P2RY8: variants seen among roughly 807,000 people sequenced by gnomAD.
The protein encoded by P2RY8 is P2Y receptor family member 8.
P2RY8 carries 6 observed loss-of-function variants against 10.0 expected under a neutral mutation model. The ratio of observed to expected loss-of-function variants is 0.60; its 90% CI spans 0.33 to 1.19. The LOEUF is 1.19. P2RY8 is among the 50% of genes most tolerant of loss of function. The pLI is 0.04. For synonymous variants in P2RY8, 276 were observed against 252.5 expected (o/e 1.09, Z -0.88); for missense variants, 456 against 542.0 (o/e 0.84, Z 1.58).
At chrX:1,502,306 C>G (rs1346623900) in intron 1 of P2RY8, among the ~76,000 whole-genome samples, 1 of 152,168 alleles carries the variant, frequency 6.6e-6, no homozygotes, top group East Asian at 1.9e-4. Context: ...ATTTGCTTAT[C>G]TCTGTTTTGG....
At chrX:1,490,675 A>G (rs1196021960) in intron 1 of P2RY8, among the ~76,000 whole-genome samples, 3 of 143,056 alleles carry the variant, frequency 2.1e-5, no homozygotes, top group Non-Finnish European at 1.5e-5. Flanking sequence ...ATGATACCCC[A>G]GATTCACTTC....
intron 1 of P2RY8, among the ~76,000 whole-genome samples, chrX:1,486,203 A>T (rs759441501): frequency 6.6e-6 from 1 of 152,298 alleles, no homozygotes; most frequent in East Asian, 1.9e-4. Context: ...GGGTGAAAAG[A>T]GTGAAACTCT....
intron 1 of P2RY8, among the ~76,000 whole-genome samples, chrX:1,481,132 C>G (rs1258284498): frequency 1.3e-5 from 2 of 151,928 alleles, no homozygotes; most frequent in African/African-American, 4.8e-5. Context: ...ACGGTCCCTG[C>G]ACCCTCTGAC....
rs778445134 is a variant in P2RY8, at chrX:1,503,518, C to T, written c.-25+33403G>A. 4.6e-5 allele frequency among the ~76,000 whole-genome samples: 7 copies of T among 152,190 alleles called. No homozygotes were observed. The East Asian group carries it at 1.3e-3, about 29-fold the overall frequency. ...GTTCACACCTGTCATCCCAGCACTT[C>T]GGGAGGCCAGGGCGAGCAGATCACC... On this transcript the variant is annotated intron_variant, in intron 1 of 1. Coordinates refer to ENST00000381297, the MANE Select transcript of P2RY8 (RefSeq NM_178129.5).
intron 1 of P2RY8, among the ~76,000 whole-genome samples, chrX:1,468,757 TCCC>T (rs1327185792): frequency 0.16 from 102 of 656 alleles, 27 homozygotes; most frequent in Middle Eastern, 0.5. Context: ...CTCTCCCCTC[TCCC>T]CTCTCCCCTC....
At chrX:1,490,301 G>T (rs2092031709) in intron 1 of P2RY8, among the ~76,000 whole-genome samples, 1 of 127,590 alleles carries the variant, frequency 7.8e-6, no homozygotes, top group East Asian at 2.4e-4. Context: ...CACAAATGTG[G>T]AGGGAATGAA....
rs1355586238 is a variant in P2RY8, at chrX:1,463,095, C to T, written c.*2384G>A. Reference sequence around the variant, plus strand: ...GTCTCGGCTTCCTCTGACTCAAGCTCTCATTTTTGTTTACAAGGCAGTTTA... The same window carrying T: ...GTCTCGGCTTCCTCTGACTCAAGCTTTCATTTTTGTTTACAAGGCAGTTTA... On this transcript the variant is annotated 3_prime_UTR_variant, in exon 2 of 2. Coordinates refer to ENST00000381297, the MANE Select transcript of P2RY8 (RefSeq NM_178129.5). 2 of 233,016 alleles carry T rather than the reference C, an allele frequency of 8.6e-6. No homozygotes were observed. The highest frequency in any genetic ancestry group is 6.0e-5 in the East Asian group (1 of 16,610). The allele number at this position is 233,016 out of a possible 1,614,324, so 14.4% of individuals were successfully genotyped here. A position where few individuals can be genotyped will look rare whatever the true frequency, so the allele number is the denominator to read the frequency against.
At chrX:1,466,618 G>C in intron 1 of P2RY8, 36 bp from the exon 2 acceptor site, 1 of 1,536,774 alleles carries the variant, frequency 6.5e-7, no homozygotes, top group Non-Finnish European at 8.7e-7. Context: ...ACGGGTCAGG[G>C]GCGCAGGTAA....
In P2RY8 at chrX:1,467,835, C is replaced by T. The variant is rs142265755; in HGVS notation, c.-24-1253G>A. On this transcript the variant is annotated intron_variant, in intron 1 of 1. Coordinates refer to ENST00000381297, the MANE Select transcript of P2RY8 (RefSeq NM_178129.5). ...GGGACTACAGGTGAGAGTACAACCA[C>T]GCCCAGCTAATATTTTTATTTTTTG... Among the ~76,000 whole-genome samples the T allele has an allele frequency of 8.9e-3, 1,334 of 150,446 alleles. 26 individuals carry two copies. The highest frequency in any genetic ancestry group is 0.031 in the African/African-American group (1,249 of 40,846).
intron 1 of P2RY8, among the ~76,000 whole-genome samples, chrX:1,471,379 C>T (rs1412631438): frequency 7.6e-6 from 1 of 131,084 alleles, no homozygotes; most frequent in African/African-American, 2.9e-5. Context: ...AGGCTGGTCT[C>T]AAACTCCTGA....
chrX:1,502,813 G>A (rs780427470), intron 1 of P2RY8, among the ~76,000 whole-genome samples: 2,392 of 151,966 alleles, frequency 0.016, 30 homozygotes, highest in Non-Finnish European at 0.02. Context: ...ACGTGGAGAC[G>A]GAGACAGAGC....
intron 1 of P2RY8, among the ~76,000 whole-genome samples, chrX:1,479,830 GA>G (rs1301329385): frequency 1.3e-5 from 2 of 152,088 alleles, no homozygotes; most frequent in African/African-American, 4.8e-5. Context: ...AGATCCCATG[GA>G]CATTAAAAAG....
intron 1 of P2RY8, among the ~76,000 whole-genome samples, chrX:1,508,169 C>A (rs1398176850): frequency 6.6e-6 from 1 of 152,192 alleles, no homozygotes; most frequent in Non-Finnish European, 1.5e-5. Context: ...CTGAGTGTCT[C>A]TAAAACCATG....
chrX:1,502,055 C>T (rs574215812), intron 1 of P2RY8, among the ~76,000 whole-genome samples: 5 of 152,104 alleles, frequency 3.3e-5, no homozygotes, highest in Non-Finnish European at 7.4e-5. Flanking sequence ...GAACTACAGG[C>T]GTGTGCCACC....
chrX:1,524,999 G>A (rs2092430973), intron 1 of P2RY8, among the ~76,000 whole-genome samples: 1 of 152,182 alleles, frequency 6.6e-6, no homozygotes, highest in Admixed American at 6.5e-5. Flanking sequence ...CAAGAAGGTG[G>A]TCTCAGGGTG....
intron 1 of P2RY8, among the ~76,000 whole-genome samples, chrX:1,489,840 GAC>G: frequency 2.8e-5 from 2 of 70,326 alleles, no homozygotes; most frequent in African/African-American, 5.6e-5. Flanking sequence ...ATGAATGAAT[GAC>G]ATCCAGGGAT....
intron 1 of P2RY8, among the ~76,000 whole-genome samples, chrX:1,516,532 G>A (rs1435834473): frequency 6.6e-6 from 1 of 150,912 alleles, no homozygotes; most frequent in Non-Finnish European, 1.5e-5. Context: ...AAGAAGAGGA[G>A]ATGAGGACAC....
chrX:1,479,859 T>C (rs1182635893), intron 1 of P2RY8, among the ~76,000 whole-genome samples: 3 of 152,144 alleles, frequency 2.0e-5, no homozygotes, highest in African/African-American at 4.8e-5. Flanking sequence ...AGAAATATTA[T>C]AAACAATTCT....
At chrX:1,486,354 C>A (rs2091986345) in intron 1 of P2RY8, among the ~76,000 whole-genome samples, 1 of 152,176 alleles carries the variant, frequency 6.6e-6, no homozygotes, top group Non-Finnish European at 1.5e-5. Context: ...ACGTGGCCCC[C>A]CCATGCACAC....
Sources: gnomAD v4.1 joint callset for allele counts (sites outside exome capture counted in the v4.1 genomes callset) on GRCh38, gnomAD v4.1.1 for gene constraint, MANE v1.5 for transcripts, NCBI Gene and HGNC (gene_info 2026-07-23, HGNC 2026-07-21) for gene names.